The following CSMD1 variants were observed in gnomAD, a reference collection of about 807,000 sequenced individuals.
CSMD1 encodes the protein CUB and sushi domain-containing protein 1.
CSMD1 carries 213 observed loss-of-function variants against 417.5 expected under a neutral mutation model. The ratio of observed to expected loss-of-function variants is 0.51; its 90% CI spans 0.46 to 0.57. CSMD1 has a LOEUF of 0.57. CSMD1 is among the 20% of genes least tolerant of loss of function. The pLI is 0.00. For missense variants in CSMD1, 6,923 were observed against 4,529.7 expected, an observed-to-expected ratio of 1.53 and a Z score of -15.17; for synonymous variants, 2,862 against 1,736.8, an observed-to-expected ratio of 1.65 and a Z score of -16.11.
chr8:4,767,733 G>A (rs930998804), intron 1 of CSMD1, among the ~76,000 whole-genome samples: 3 of 152,124 alleles, frequency 2.0e-5, no homozygotes, highest in Admixed American at 6.5e-5. Flanking sequence ...TCTGTGCTCA[G>A]GCTTGATTTT....
At chr8:4,588,189 C>T (rs753307066) in intron 2 of CSMD1, among the ~76,000 whole-genome samples, 22 of 151,834 alleles carry the variant, frequency 1.4e-4, no homozygotes, top group Non-Finnish European at 2.6e-4. Flanking sequence ...TTTTCTTAGG[C>T]ATATATTTAA....
At chr8:4,959,563 A>T (rs563977634) in intron 1 of CSMD1, among the ~76,000 whole-genome samples, 1 of 152,344 alleles carries the variant, frequency 6.6e-6, no homozygotes, top group Non-Finnish European at 1.5e-5. Context: ...ACGGCACTAT[A>T]ATTATCACCC....
At chr8:4,976,956 A>T (rs557760711) in intron 1 of CSMD1, among the ~76,000 whole-genome samples, 128 of 152,324 alleles carry the variant, frequency 8.4e-4, no homozygotes, top group African/African-American at 3.0e-3. Flanking sequence ...ATGAGGGCAG[A>T]TGCTGTTGTC....
chr8:3,866,144 G>C (rs1396585775), intron 5 of CSMD1, among the ~76,000 whole-genome samples: 1 of 152,136 alleles, frequency 6.6e-6, no homozygotes, highest in Non-Finnish European at 1.5e-5. Flanking sequence ...ATACTCTGAA[G>C]ATATAACATT....
chr8:3,686,348 G>A (rs1799942712), intron 7 of CSMD1, among the ~76,000 whole-genome samples: 2 of 152,126 alleles, frequency 1.3e-5, no homozygotes, highest in Admixed American at 1.3e-4. Context: ...CTCTACGCTT[G>A]TCTTCACTTT....
chr8:3,832,676 A>G (rs951034012), intron 5 of CSMD1, among the ~76,000 whole-genome samples: 2 of 152,190 alleles, frequency 1.3e-5, no homozygotes, highest in Non-Finnish European at 2.9e-5. Flanking sequence ...AGGACCGTGG[A>G]CACTATAGAT....
chr8:4,388,705 C>CA (rs986481386), intron 3 of CSMD1, among the ~76,000 whole-genome samples: 4 of 151,952 alleles, frequency 2.6e-5, no homozygotes, highest in Non-Finnish European at 5.9e-5. Flanking sequence ...ATGGAAAAAA[C>CA]AAAAAATAAA....
At chr8:3,485,319 T>C (rs1817962567) in intron 11 of CSMD1, among the ~76,000 whole-genome samples, 1 of 152,164 alleles carries the variant, frequency 6.6e-6, no homozygotes, top group Admixed American at 6.5e-5. Flanking sequence ...CTTCTAATTA[T>C]ATAACATTCT....
chr8:4,322,386 G>C (rs1293222170), intron 3 of CSMD1, among the ~76,000 whole-genome samples: 1 of 152,056 alleles, frequency 6.6e-6, no homozygotes, highest in Non-Finnish European at 1.5e-5. Flanking sequence ...CCCCCAGTTG[G>C]CAAAAGCATC....
rs894610542 is a variant in CSMD1, at chr8:3,337,854, G to C, written c.3631+5440C>G. Among the ~76,000 whole-genome samples the C allele has an allele frequency of 9.2e-5, 14 of 152,138 alleles. No individual in the cohort carries two copies. In the East Asian group the frequency reaches 2.7e-3, roughly 29 times the overall value. On this transcript the variant is annotated intron_variant, in intron 23 of 69. Transcript: ENST00000635120. ...TCTGCTACAAACCCAAACCGTAAGTGTTTATGATGTTTCTTCTACCTCTGT... is the reference window on the plus strand; with the variant it reads ...TCTGCTACAAACCCAAACCGTAAGTCTTTATGATGTTTCTTCTACCTCTGT...
At chr8:4,183,598 T>C (rs530539623) in intron 3 of CSMD1, among the ~76,000 whole-genome samples, 2 of 152,320 alleles carry the variant, frequency 1.3e-5, no homozygotes, top group East Asian at 3.9e-4. Flanking sequence ...ATTCATAATT[T>C]TGAACTTTTT....
intron 41 of CSMD1, among the ~76,000 whole-genome samples, chr8:3,125,611 C>A (rs1563067510): frequency 6.6e-6 from 1 of 152,222 alleles, no homozygotes; most frequent in Non-Finnish European, 1.5e-5. Flanking sequence ...CCATACTGGG[C>A]AATTCCTAAA....
intron 3 of CSMD1, among the ~76,000 whole-genome samples, chr8:4,118,118 G>T (rs994617195): frequency 6.6e-6 from 1 of 152,096 alleles, no homozygotes; most frequent in African/African-American, 2.4e-5. Context: ...CAGGTGTACA[G>T]AATAGTGAGG....
chr8:3,382,363 G>A (rs1810681317), intron 18 of CSMD1, among the ~76,000 whole-genome samples: 1 of 143,886 alleles, frequency 6.9e-6, no homozygotes, highest in South Asian at 2.1e-4. Flanking sequence ...TTTATTATTA[G>A]CATTCCAATA....
intron 5 of CSMD1, among the ~76,000 whole-genome samples, chr8:3,757,173 C>A (rs956388801): frequency 3.3e-5 from 5 of 152,202 alleles, no homozygotes; most frequent in African/African-American, 9.6e-5. Flanking sequence ...CCACCACCTA[C>A]ACCCACATCC....
At chr8:3,031,673 C>G (rs916581828) in intron 50 of CSMD1, among the ~76,000 whole-genome samples, 5 of 151,884 alleles carry the variant, frequency 3.3e-5, no homozygotes, top group Non-Finnish European at 5.9e-5. Flanking sequence ...GCTGGGATTA[C>G]AGGTATGAGC....
chr8:3,437,163 G>T (rs573927901), intron 12 of CSMD1, among the ~76,000 whole-genome samples: 2 of 152,134 alleles, frequency 1.3e-5, no homozygotes, highest in African/African-American at 4.8e-5. Context: ...GCAATTGTGT[G>T]AATTTATCAT....
At chr8:3,770,821 C>A (rs1360733029) in intron 5 of CSMD1, among the ~76,000 whole-genome samples, 2 of 152,100 alleles carry the variant, frequency 1.3e-5, no homozygotes, top group African/African-American at 2.4e-5. Context: ...TATTTAGCAG[C>A]TGACCTAAGA....
rs377124111 is a variant in CSMD1 at position 3,635,691 on chromosome 8, G to C, written c.1010-18894C>G. On this transcript the variant is annotated intron_variant, in intron 7 of 69. Transcript: ENST00000635120. The stretch of plus-strand genomic sequence containing the variant: ...GTAGAGACGGGGATTCACTGTGTTA[G>C]CCAGGATGGTCTCAATCTCCTGACC... Among the ~76,000 whole-genome samples, 204 of 149,912 alleles carry C rather than the reference G, an allele frequency of 1.4e-3. 6 individuals carry two copies. In the South Asian group the frequency reaches 0.042, roughly 31 times the overall value.
Sources: gnomAD v4.1 joint callset for allele counts (sites outside exome capture counted in the v4.1 genomes callset) on GRCh38, gnomAD v4.1.1 for gene constraint, MANE v1.5 for transcripts, NCBI Gene and HGNC (gene_info 2026-07-23, HGNC 2026-07-21) for gene names.